EFCAB13: variants seen among roughly 807,000 people sequenced by gnomAD.
EFCAB13 encodes the protein EF-hand calcium binding domain 13.
In EFCAB13, 91 loss-of-function variants were observed where a neutral mutation model predicts 110.2. The ratio of observed to expected loss-of-function variants is 0.83; its 90% CI spans 0.70 to 0.98. The LOEUF (loss-of-function observed/expected upper bound fraction) is 0.98. EFCAB13 is among the 50% of genes least tolerant of loss of function. The probability of loss-of-function intolerance (pLI) is 0.00; values close to 1 mark genes in which losing one functional copy is unlikely to be tolerated. For synonymous variants in EFCAB13, 323 were observed against 369.9 expected, an observed-to-expected ratio of 0.87 and a Z score of 1.45; for missense variants, 968 against 1,119.4, an observed-to-expected ratio of 0.86 and a Z score of 1.93.
chr17:47,362,064 AT>A (rs1321538392), intron 10 of EFCAB13, among the ~76,000 whole-genome samples: 2 of 152,206 alleles, frequency 1.3e-5, no homozygotes, highest in East Asian at 3.9e-4. Context: ...TTGTTTTATT[AT>A]TGTGGGCGGC....
chr17:47,438,811 T>G (rs1905259025), intron 24 of EFCAB13, among the ~76,000 whole-genome samples: 1 of 152,130 alleles, frequency 6.6e-6, no homozygotes, highest in Non-Finnish European at 1.5e-5. Flanking sequence ...GATTTCTTCT[T>G]GGTTTGGATC....
rs181014565 is a variant in EFCAB13 at position 47,410,076 on chromosome 17, T to C, written c.2278+385T>C. On this transcript the variant is annotated intron_variant, in intron 21 of 24. Transcript: ENST00000331493. ...TCTTTGCCTACTGTTGTAGTCTGTT[T>C]TGTGTTGCTGTAACAGAATACCACA... Among the ~76,000 whole-genome samples, 241 of 152,234 alleles carry C rather than the reference T, an allele frequency of 1.6e-3. 1 individual carries two copies. Among genetic ancestry groups the C allele is most frequent in the African/African-American group, 5.5e-3 (230 of 41,528 alleles).
chr17:47,435,078 AAAT>A (rs1414892723), intron 24 of EFCAB13, among the ~76,000 whole-genome samples: 1 of 152,168 alleles, frequency 6.6e-6, no homozygotes, highest in African/African-American at 2.4e-5. Context: ...AAAGCAAAAG[AAAT>A]AATCAGCAAA....
chr17:47,380,880 CTTTTTTTTTTT>C (rs751480738), intron 14 of EFCAB13, among the ~76,000 whole-genome samples: 2 of 122,936 alleles, frequency 1.6e-5, no homozygotes, highest in African/African-American at 6.1e-5. Flanking sequence ...ATTGCTTCTT[CTTTTTTTTTTT>C]TTTTTTTTTG....
intron 23 of EFCAB13, 66 bp downstream of exon 23, chr17:47,414,985 AT>A: frequency 8.3e-7 from 1 of 1,199,782 alleles, no homozygotes. Flanking sequence ...ACATTTAAAA[AT>A]GAAAGGTCCA....
chr17:47,404,334 C>T (rs1174519430), intron 19 of EFCAB13, among the ~76,000 whole-genome samples: 1 of 152,222 alleles, frequency 6.6e-6, no homozygotes, highest in Non-Finnish European at 1.5e-5. Context: ...GTCAGAGTTA[C>T]TGGGGCTTTC....
intron 9 of EFCAB13, among the ~76,000 whole-genome samples, chr17:47,349,050 T>C (rs2065433715): frequency 6.6e-6 from 1 of 152,206 alleles, no homozygotes; most frequent in South Asian, 2.1e-4. Flanking sequence ...GATGTTTCAC[T>C]GTTTTTGAAA....
intron 20 of EFCAB13, 197 bp from the exon 21 acceptor site, chr17:47,409,450 C>T: frequency 1.9e-6 from 1 of 525,804 alleles, no homozygotes; most frequent in South Asian, 3.4e-5. Context: ...ATGAAGGAGC[C>T]CAAGTAGTAA....
chr17:47,367,794 A>G, intron 10 of EFCAB13, among the ~76,000 whole-genome samples: 1 of 152,136 alleles, frequency 6.6e-6, no homozygotes. Flanking sequence ...GAAAAGGTGG[A>G]TGCGTGAATG....
At chr17:47,396,952 T>A (rs2065741575) in intron 17 of EFCAB13, among the ~76,000 whole-genome samples, 1 of 152,168 alleles carries the variant, frequency 6.6e-6, no homozygotes, top group Non-Finnish European at 1.5e-5. Flanking sequence ...AAGTAATAGA[T>A]AGCATTTATT....
intron 14 of EFCAB13, among the ~76,000 whole-genome samples, chr17:47,382,771 TTGGTATCAGGG>T (rs2065653943): frequency 6.6e-6 from 1 of 152,212 alleles, no homozygotes; most frequent in Non-Finnish European, 1.5e-5. Flanking sequence ...CTGCCTGGTT[TTGGTATCAGGG>T]TGATGCTGGC....
At chr17:47,360,219 T>G (rs1013695715) in intron 9 of EFCAB13, among the ~76,000 whole-genome samples, 3 of 152,166 alleles carry the variant, frequency 2.0e-5, no homozygotes, top group Non-Finnish European at 2.9e-5. Flanking sequence ...CCACAATGAT[T>G]GAACTAGTTT....
intron 5 of EFCAB13, among the ~76,000 whole-genome samples, chr17:47,341,082 A>G (rs1036829751): frequency 6.6e-6 from 1 of 152,104 alleles, no homozygotes; most frequent in African/African-American, 2.4e-5. Flanking sequence ...CTAGAATCCT[A>G]CAACCGTGGT....
Position 47,361,416 on chromosome 17 carries a change from G to T in EFCAB13, c.700G>T (p.Gly234Cys), listed in dbSNP as rs199766435. ...DALKIFCRIK[G>C]GRVSTDDVFA... ...CTTGAAGATTTTCTGTAGGATAAAA[G>T]GTGGTCGAGTTTCAACTGATGACGT... Residue 234 changes from glycine to cysteine, a missense_variant, in exon 10 of 25, where the codon GGT (glycine) becomes TGT (cysteine). By Grantham distance (159) the Gly-to-Cys change is radical (BLOSUM62 -3). Transcript: ENST00000331493. 6.2e-7 allele frequency: 1 copy of T among 1,613,640 alleles called. No homozygotes were observed. The highest frequency in any genetic ancestry group is 1.7e-5 in the Admixed American group (1 of 59,990).
At chr17:47,347,775 T>G in intron 8 of EFCAB13, 33 bp from the exon 9 acceptor site, 5 of 1,351,370 alleles carry the variant, frequency 3.7e-6, no homozygotes, top group Non-Finnish European at 4.8e-6. Context: ...TCTTTTTGAT[T>G]AACTAACTAA....
In EFCAB13 at chr17:47,398,784, C is replaced by T. The variant is rs966103302; in HGVS notation, c.1945+2807C>T. Among the ~76,000 whole-genome samples, 56 of 151,560 alleles carry T rather than the reference C, an allele frequency of 3.7e-4. 1 individual carries two copies. Among genetic ancestry groups the T allele is most frequent in the African/African-American group, 1.3e-3 (55 of 41,296 alleles). ...TTCACTTGTTTATCTGCTGACCTTG[C>T]CTCCACTATTGTCCTATGACCGTGC... On this transcript the variant is annotated intron_variant, in intron 17 of 24. Coordinates refer to ENST00000331493, the MANE Select transcript of EFCAB13 (RefSeq NM_152347.5).
intron 9 of EFCAB13, 148 bp from the exon 10 acceptor site, chr17:47,361,230 T>C: frequency 3.1e-6 from 2 of 650,520 alleles, no homozygotes; most frequent in East Asian, 5.5e-5. Flanking sequence ...AAAGTTATTT[T>C]ATATCAGTGG....
chr17:47,328,520 T>C, intron 4 of EFCAB13, 137 bp downstream of exon 4: 1 of 672,654 alleles, frequency 1.5e-6, no homozygotes, highest in East Asian at 2.8e-5. Context: ...ACTGAGATGA[T>C]GTTTGAGTCA....
At chr17:47,406,256 T>C (rs112133907) in intron 20 of EFCAB13, among the ~76,000 whole-genome samples, 13,388 of 152,090 alleles carry the variant, frequency 0.088, 848 homozygotes, top group East Asian at 0.35. Context: ...GGGATTCAGG[T>C]GCACACCACC....
Sources: allele counts gnomAD v4.1 joint callset (sites outside exome capture counted in the v4.1 genomes callset), GRCh38; gene constraint gnomAD v4.1.1; transcripts MANE v1.5; gene names NCBI Gene and HGNC (gene_info 2026-07-23, HGNC 2026-07-21).